The following CCDC127 variants were observed in gnomAD, a reference collection of about 807,000 sequenced individuals.
The protein encoded by CCDC127 is coiled-coil domain containing 127.
CCDC127 carries 2 observed loss-of-function variants against 4.1 expected under a neutral mutation model. The ratio of observed to expected loss-of-function variants is 0.49; its 90% CI spans 0.20 to 1.53. CCDC127 has a LOEUF of 1.53. Ranked by LOEUF, CCDC127 falls within the 40% of genes most tolerant of loss-of-function variation. CCDC127 has a pLI of 0.23. For missense variants in CCDC127, 271 were observed against 322.9 expected, an observed-to-expected ratio of 0.84 and a Z score of 1.23; for synonymous variants, 98 against 120.4, an observed-to-expected ratio of 0.81 and a Z score of 1.22.
At chr5:206,749 C>T (rs1734182096) in intron 2 of CCDC127, among the ~76,000 whole-genome samples, 1 of 152,246 alleles carries the variant, frequency 6.6e-6, no homozygotes, top group Non-Finnish European at 1.5e-5. Flanking sequence ...TAATTTCATG[C>T]ATGTTGGAGC....
intron 2 of CCDC127, among the ~76,000 whole-genome samples, chr5:206,604 G>C (rs568602192): frequency 6.6e-6 from 1 of 152,288 alleles, no homozygotes; most frequent in Non-Finnish European, 1.5e-5. Context: ...CAGCCTGCTG[G>C]CCAGCAGGCA....
In CCDC127 at chr5:203,822, T is replaced by C. The variant is rs1201282495; in HGVS notation, c.*1475A>G. ...CCTCAGGCAGGTTAGCTCTTCCACATCTCCGTAAAGTGAGGTGCGTGGTGA... is the reference window on the plus strand; with the variant it reads ...CCTCAGGCAGGTTAGCTCTTCCACACCTCCGTAAAGTGAGGTGCGTGGTGA... On this transcript the variant is annotated 3_prime_UTR_variant, in exon 3 of 3. Transcript: ENST00000296824. The C allele has an allele frequency of 6.6e-6, 1 of 152,158 alleles. No homozygotes were observed. Among genetic ancestry groups the C allele is most frequent in the African/African-American group, 2.4e-5 (1 of 41,418 alleles). The allele number at this position is 152,158 out of a possible 1,614,324, so 9.4% of individuals were successfully genotyped here.
In CCDC127 at chr5:205,644, G is replaced by T; in HGVS notation, c.436C>A (p.Gln146Lys). Residue 146 changes from glutamine to lysine, a missense_variant, in exon 3 of 3, where the codon CAA becomes AAA. By Grantham distance (53) the Gln-to-Lys change is moderately conservative. Around this residue, in one of 2 missense-constraint regions of CCDC127, gnomAD observed 265 missense variants for 270.9 expected, o/e 0.98. Coordinates refer to ENST00000296824, the MANE Select transcript of CCDC127 (RefSeq NM_145265.3). ...PLRSAYLSCLQREENWQRRAR... is the reference protein window; with the variant it reads ...PLRSAYLSCLKREENWQRRAR... ...CTCCTTTGCCAGTTTTCTTCCCTTT[G>T]CAGGCAGCTCAAATACGCACTTCTC... 6.2e-7 allele frequency: 1 copy of T among 1,614,138 alleles called. No homozygotes were observed. Among genetic ancestry groups the T allele is most frequent in the Non-Finnish European group, 8.5e-7 (1 of 1,180,024 alleles).
chr5:208,848 A>G (rs1042315298), intron 2 of CCDC127, among the ~76,000 whole-genome samples: 3 of 152,220 alleles, frequency 2.0e-5, no homozygotes, highest in Non-Finnish European at 4.4e-5. Flanking sequence ...CGCAGGTTCA[A>G]ACAGAAAATC....
At chr5:213,942 C>G (rs966739637) in intron 2 of CCDC127, 2 of 152,150 alleles carry the variant, frequency 1.3e-5, no homozygotes, top group African/African-American at 4.8e-5. Flanking sequence ...TGGAAAGGAC[C>G]CAGATGTCTT....
At chr5:214,974 G>C (rs1186197186) in intron 2 of CCDC127, 1 of 151,856 alleles carries the variant, frequency 6.6e-6, no homozygotes, top group Non-Finnish European at 1.5e-5. Flanking sequence ...GTTGCAGCAA[G>C]CCGAGATCGC....
At chr5:210,406 A>G (rs1734258247) in intron 2 of CCDC127, among the ~76,000 whole-genome samples, 1 of 152,174 alleles carries the variant, frequency 6.6e-6, no homozygotes, top group South Asian at 2.1e-4. Flanking sequence ...ACTAAGGACT[A>G]GAATCTAAGA....
At chr5:213,217 C>T (rs1734308537) in intron 2 of CCDC127, among the ~76,000 whole-genome samples, 2 of 91,452 alleles carry the variant, frequency 2.2e-5, no homozygotes, top group South Asian at 6.5e-4. Flanking sequence ...GCACCACACA[C>T]CCATCAGGAT....
At position 208,873 on chromosome 5, in the gene CCDC127, G is replaced by A. The variant is rs185101837; in HGVS notation, c.122-2915C>T. Among the ~76,000 whole-genome samples the A allele has an allele frequency of 2.9e-3, 437 of 152,336 alleles. 3 individuals are homozygous for A. Among genetic ancestry groups the A allele is most frequent in the African/African-American group, 0.01 (417 of 41,570 alleles). ...AACAGAAAATCACTCCTAGTACCAA[G>A]GGCCAGGACGGGTCACACTAAATGA... is the stretch of plus-strand genomic sequence containing the variant. On this transcript the variant is annotated intron_variant, in intron 2 of 2. Coordinates refer to ENST00000296824, the MANE Select transcript of CCDC127 (RefSeq NM_145265.3).
chr5:217,545 G>A (rs1336548587), intron 1 of CCDC127, among the ~76,000 whole-genome samples: 9 of 152,146 alleles, frequency 5.9e-5, no homozygotes, highest in Admixed American at 4.6e-4. Flanking sequence ...ATATGAGCTA[G>A]GGTTTGAAGA....
Position 205,820 on chromosome 5 carries a change from TGAGC to T in CCDC127, c.256_259del (p.Ala86SerfsTer28). The T allele has an allele frequency of 6.2e-7, 1 of 1,614,218 alleles. No individual in the cohort carries two copies. Among genetic ancestry groups the T allele is most frequent in the African/African-American group, 1.3e-5 (1 of 75,044 alleles). On this transcript the variant is annotated frameshift_variant, in exon 3 of 3. Transcript: ENST00000296824. LOFTEE classifies it low-confidence loss of function (END_TRUNC). Reference sequence around the variant, plus strand: ...TTCCTTTTCGAGTTCCAAGGACAACTGAGCGACAGCACGCCGATTTTCTGAGATC... The same window carrying T: ...TTCCTTTTCGAGTTCCAAGGACAACTGACAGCACGCCGATTTTCTGAGATC...
chr5:207,682 G>A (rs1332807804), intron 2 of CCDC127, among the ~76,000 whole-genome samples: 1 of 152,164 alleles, frequency 6.6e-6, no homozygotes, highest in East Asian at 1.9e-4. Flanking sequence ...CCAAATGAGA[G>A]GGGCCCCCAG....
chr5:198,466 G>A lies in CCDC127; in HGVS notation c.*6831C>T, dbSNP rs1001827024. 1 of 152,304 alleles carries A rather than the reference G, an allele frequency of 6.6e-6. No individual in the cohort carries two copies. Among genetic ancestry groups the A allele is most frequent in the Non-Finnish European group, 1.5e-5 (1 of 68,100 alleles). The allele number at this position is 152,304 out of a possible 1,614,324, so 9.4% of individuals were successfully genotyped here. A position where few individuals can be genotyped will look rare whatever the true frequency, so the allele number is the denominator to read the frequency against. ...CTTAAGGCCTGTGGCAGTGGAGAAGGGCCCAGGGTGCTGGGTGTCCTGAGG... is the reference window on the plus strand; with the variant it reads ...CTTAAGGCCTGTGGCAGTGGAGAAGAGCCCAGGGTGCTGGGTGTCCTGAGG... On this transcript the variant is annotated 3_prime_UTR_variant, in exon 3 of 3. Coordinates refer to ENST00000296824, the MANE Select transcript of CCDC127 (RefSeq NM_145265.3).
rs1734069121 is a variant in CCDC127 at position 201,145 on chromosome 5, A to G, written c.*4152T>C. ...CCCAAACACCCTGGCTCCTCCCAACATCGCACGGGCTGTCCTCATGCTGGA... is the reference window on the plus strand; with the variant it reads ...CCCAAACACCCTGGCTCCTCCCAACGTCGCACGGGCTGTCCTCATGCTGGA... On this transcript the variant is annotated 3_prime_UTR_variant, in exon 3 of 3. Transcript: ENST00000296824. 1 of 152,186 alleles carries G rather than the reference A, an allele frequency of 6.6e-6. No individual in the cohort carries two copies. The highest frequency in any genetic ancestry group is 2.1e-4 in the South Asian group (1 of 4,818). 9.4% of individuals were successfully genotyped at this position (152,186 alleles called of 1,614,324 possible).
chr5:211,317 G>A (rs1579361311), intron 2 of CCDC127, among the ~76,000 whole-genome samples: 2 of 68,412 alleles, frequency 2.9e-5, no homozygotes, highest in African/African-American at 6.5e-5. Context: ...CTGCAGCCAC[G>A]ACGAGACAGC....
chr5:213,700 C>G (rs1459911624), intron 2 of CCDC127, among the ~76,000 whole-genome samples: 3 of 152,234 alleles, frequency 2.0e-5, no homozygotes, highest in Non-Finnish European at 4.4e-5. Flanking sequence ...AGTGAAACAC[C>G]AAATACTGAC....
Position 203,675 on chromosome 5 carries a change from T to A in CCDC127, c.*1622A>T, listed in dbSNP as rs1489977842. On this transcript the variant is annotated 3_prime_UTR_variant, in exon 3 of 3. Transcript: ENST00000296824. ...GGAGAACATGGCCCTTGAAAGCAGA[T>A]GGACAACCTGCTCCCGCTCCTGCCT... The A allele has an allele frequency of 6.6e-6, 1 of 152,096 alleles. No individual in the cohort carries two copies. Among genetic ancestry groups the A allele is most frequent in the Non-Finnish European group, 1.5e-5 (1 of 68,024 alleles). 9.4% of individuals were successfully genotyped at this position (152,096 alleles called of 1,614,324 possible). A position where few individuals can be genotyped will look rare whatever the true frequency, so the allele number is the denominator to read the frequency against.
At chr5:217,498 T>A (rs1474284280) in intron 1 of CCDC127, among the ~76,000 whole-genome samples, 2 of 152,170 alleles carry the variant, frequency 1.3e-5, no homozygotes, top group Non-Finnish European at 2.9e-5. Context: ...AGATACAGAA[T>A]CAACTCGATA....
chr5:209,817 C>A (rs1404818945), intron 2 of CCDC127, among the ~76,000 whole-genome samples: 1 of 152,050 alleles, frequency 6.6e-6, no homozygotes, highest in African/African-American at 2.4e-5. Flanking sequence ...GTTCAATATT[C>A]AAAAATCAAT....
Sources: allele counts gnomAD v4.1 joint callset (sites outside exome capture counted in the v4.1 genomes callset), GRCh38; gene constraint gnomAD v4.1.1; regional missense constraint gnomAD v4.1.1; transcripts MANE v1.5; gene names NCBI Gene and HGNC (gene_info 2026-07-23, HGNC 2026-07-21).